RTN4: variants seen among roughly 807,000 people sequenced by gnomAD.
The protein encoded by RTN4 is reticulon-4.
In RTN4, 32 loss-of-function variants were observed where a neutral mutation model predicts 90.4. The ratio of observed to expected loss-of-function variants is 0.35; its 90% CI spans 0.27 to 0.48. The LOEUF is 0.48. RTN4 is among the 20% of genes least tolerant of loss of function. The pLI is 0.99. For synonymous variants in RTN4, 629 were observed against 552.5 expected, an observed-to-expected ratio of 1.14 and a Z score of -1.94; for missense variants, 1,706 against 1,430.2, an observed-to-expected ratio of 1.19 and a Z score of -3.11.
rs17046520 is a variant in RTN4 at position 54,972,712 on chromosome 2, T to C, written c.*444A>G. 2,290 of 154,632 alleles carry C rather than the reference T, an allele frequency of 0.015. 62 individuals are homozygous for C. Among genetic ancestry groups the C allele is most frequent in the African/African-American group, 0.05 (2,065 of 41,554 alleles). 9.6% of individuals were successfully genotyped at this position (154,632 alleles called of 1,614,324 possible). ...CTTTGTCATTCCTGCTTTACCGGTA[T>C]GATCTCGTCTAAACAAACATTTCAT... On this transcript the variant is annotated 3_prime_UTR_variant, in exon 9 of 9. Transcript: ENST00000337526.
chr2:55,037,092 T>C (rs1258357869), intron 1 of RTN4, among the ~76,000 whole-genome samples: 1 of 152,162 alleles, frequency 6.6e-6, no homozygotes, highest in Non-Finnish European at 1.5e-5. Context: ...TTCCATACAG[T>C]AGCAACAAAG....
intron 2 of RTN4, among the ~76,000 whole-genome samples, chr2:55,072,179 C>T (rs1414269617): frequency 1.3e-5 from 2 of 150,656 alleles, no homozygotes; most frequent in African/African-American, 2.4e-5. Context: ...ATATGTAAAA[C>T]TGGAGTAAAC....
At chr2:55,022,722 G>A (rs1681530419) in intron 3 of RTN4, among the ~76,000 whole-genome samples, 1 of 152,010 alleles carries the variant, frequency 6.6e-6, no homozygotes. Flanking sequence ...ATCACCCTGG[G>A]TGACTTCAAT....
At chr2:55,124,731 AC>A in the RTN4 span, among the ~76,000 whole-genome samples, 1 of 152,230 alleles carries the variant, frequency 6.6e-6, no homozygotes, top group Admixed American at 6.5e-5. Context: ...TTTATATGGA[AC>A]AAAAAAAGAG....
At chr2:54,976,259 G>T (rs571416199) in intron 5 of RTN4, among the ~76,000 whole-genome samples, 2 of 152,208 alleles carry the variant, frequency 1.3e-5, no homozygotes. Context: ...TTCACTCCAA[G>T]TCCACAGGGG....
intron 2 of RTN4, among the ~76,000 whole-genome samples, chr2:55,079,914 G>A (rs1469183441): frequency 6.6e-6 from 1 of 152,200 alleles, no homozygotes; most frequent in Non-Finnish European, 1.5e-5. Flanking sequence ...GCAGTCTAGT[G>A]CAAACTACTC....
At chr2:55,024,543 C>A (rs192997362) in intron 3 of RTN4, among the ~76,000 whole-genome samples, 1 of 152,144 alleles carries the variant, frequency 6.6e-6, no homozygotes, top group African/African-American at 2.4e-5. Flanking sequence ...AAAGGAGAAT[C>A]GGTACTTTTC....
At chr2:55,121,228 C>T in the RTN4 span, among the ~76,000 whole-genome samples, 1 of 152,218 alleles carries the variant, frequency 6.6e-6, no homozygotes, top group African/African-American at 2.4e-5. Context: ...GATCCCTGCT[C>T]TCAGGGAGCT....
upstream of RTN4, among the ~76,000 whole-genome samples, chr2:55,052,592 T>C (rs1407471416): frequency 6.6e-6 from 1 of 152,202 alleles, no homozygotes; most frequent in African/African-American, 2.4e-5. Flanking sequence ...GATGTATTGA[T>C]GTAGAATTTT....
chr2:55,063,154 C>A (rs1401145538), intron 2 of RTN4, among the ~76,000 whole-genome samples: 2 of 152,082 alleles, frequency 1.3e-5, no homozygotes, highest in Non-Finnish European at 2.9e-5. Flanking sequence ...GCAGTTGAAC[C>A]AATTCCTGAC....
At chr2:55,024,384 A>G (rs558836167) in intron 3 of RTN4, among the ~76,000 whole-genome samples, 2 of 152,294 alleles carry the variant, frequency 1.3e-5, no homozygotes, top group East Asian at 1.9e-4. Flanking sequence ...ACTTAAATAC[A>G]TAAGTATATT....
chr2:55,130,107 T>C, the RTN4 span, among the ~76,000 whole-genome samples: 3 of 152,180 alleles, frequency 2.0e-5, no homozygotes, highest in Non-Finnish European at 4.4e-5. Flanking sequence ...AACCTGAATG[T>C]CCTCTAGTAA....
chr2:55,018,094 A>G (rs903556152), intron 3 of RTN4, among the ~76,000 whole-genome samples: 1 of 152,210 alleles, frequency 6.6e-6, no homozygotes, highest in Non-Finnish European at 1.5e-5. Flanking sequence ...ATAATTTACC[A>G]GGTATCCTTG....
At chr2:55,099,939 C>T (rs1172390389) in intron 1 of RTN4, among the ~76,000 whole-genome samples, 1 of 152,058 alleles carries the variant, frequency 6.6e-6, no homozygotes, top group Non-Finnish European at 1.5e-5. Context: ...TTGTTGCCTG[C>T]TTACACTGTG....
intron 1 of RTN4, among the ~76,000 whole-genome samples, chr2:55,102,270 T>A (rs1667865804): frequency 6.6e-6 from 1 of 152,132 alleles, no homozygotes; most frequent in South Asian, 2.1e-4. Context: ...CTGAAATCCC[T>A]TGAAGATGGT....
At chr2:55,016,078 CA>C (rs1681013866) in intron 3 of RTN4, among the ~76,000 whole-genome samples, 1 of 151,956 alleles carries the variant, frequency 6.6e-6, no homozygotes, top group South Asian at 2.1e-4. Flanking sequence ...TTATCAATAA[CA>C]AAGGAACAAT....
intron 2 of RTN4, among the ~76,000 whole-genome samples, chr2:55,072,147 TTA>T (rs1159311602): frequency 1.0e-4 from 4 of 39,042 alleles, no homozygotes; most frequent in South Asian, 7.0e-4. Flanking sequence ...TTGTTTTTAG[TTA>T]TTTTTTTTTT....
the RTN4 span, among the ~76,000 whole-genome samples, chr2:55,132,161 T>C: frequency 6.6e-6 from 1 of 152,144 alleles, no homozygotes. Context: ...AGCTGGGTGA[T>C]GGGAATATGG....
At chr2:55,028,962 A>G (rs571842998) in intron 1 of RTN4, among the ~76,000 whole-genome samples, 6 of 152,316 alleles carry the variant, frequency 3.9e-5, no homozygotes, top group East Asian at 3.9e-4. Context: ...CTGAATGCTT[A>G]TATTTCCTAC....
Sources: gnomAD v4.1 joint callset for allele counts (sites outside exome capture counted in the v4.1 genomes callset) on GRCh38, gnomAD v4.1.1 for gene constraint, MANE v1.5 for transcripts, NCBI Gene and HGNC (gene_info 2026-07-23, HGNC 2026-07-21) for gene names.